RGS7: variants seen among roughly 807,000 people sequenced by gnomAD.
The protein encoded by RGS7 is regulator of G protein signaling 7.
Under a neutral mutation model 81.1 loss-of-function variants are expected in RGS7, and 27 were observed. The ratio of observed to expected loss-of-function variants is 0.33; its 90% CI spans 0.25 to 0.46. The LOEUF is 0.46. Ranked by LOEUF, RGS7 falls within the 20% of genes least tolerant of loss-of-function variation. The pLI is 1.00. For missense variants in RGS7, 396 were observed against 607.4 expected (o/e 0.65, Z 3.66); for synonymous variants, 208 against 207.7 (o/e 1.00, Z -0.01).
chr1:241,196,237 T>C (rs868724396), intron 2 of RGS7, among the ~76,000 whole-genome samples: 1 of 152,136 alleles, frequency 6.6e-6, no homozygotes, highest in South Asian at 2.1e-4. Context: ...GGTCAACCTG[T>C]AATTATGTAT....
chr1:241,138,505 C>A (rs182296510), intron 2 of RGS7, among the ~76,000 whole-genome samples: 6 of 152,266 alleles, frequency 3.9e-5, no homozygotes, highest in Non-Finnish European at 8.8e-5. Flanking sequence ...CAGGGGGAGT[C>A]CACTGCACAC....
intron 9 of RGS7, among the ~76,000 whole-genome samples, chr1:240,853,304 T>A (rs1660441769): frequency 6.6e-6 from 1 of 152,196 alleles, no homozygotes; most frequent in Non-Finnish European, 1.5e-5. Context: ...TTTAGAGGAA[T>A]TGCTTCTTCA....
At chr1:241,249,176 T>G (rs1345826371) in intron 2 of RGS7, among the ~76,000 whole-genome samples, 1 of 152,218 alleles carries the variant, frequency 6.6e-6, no homozygotes, top group African/African-American at 2.4e-5. Context: ...TCATGTTGCA[T>G]GCAGGAAAAC....
At chr1:241,005,288 A>C (rs148738660) in intron 3 of RGS7, among the ~76,000 whole-genome samples, 92 of 152,372 alleles carry the variant, frequency 6.0e-4, no homozygotes, top group African/African-American at 2.1e-3. Context: ...AGTTTTGCAC[A>C]GATTATATGC....
rs546547957 is a variant in RGS7, at chr1:241,052,023, C to T, written c.175+46643G>A. On this transcript the variant is annotated intron_variant, in intron 3 of 18. Transcript: ENST00000440928. ...CCATGACTGTATCTAGGAATCCTTG[C>T]TAAGCTTCCCCAGAGATGTGAACAC... Among the ~76,000 whole-genome samples, 83 of 152,258 alleles carry T rather than the reference C, an allele frequency of 5.5e-4. 1 individual carries two copies. The highest frequency in any genetic ancestry group is 1.6e-3 in the African/African-American group (67 of 41,548).
intron 6 of RGS7, among the ~76,000 whole-genome samples, chr1:240,887,226 G>GTT (rs71297739): frequency 0.03 from 2,262 of 76,222 alleles, 100 homozygotes; most frequent in East Asian, 0.057. Flanking sequence ...GAGTATATAG[G>GTT]TTTTTTTTTT....
chr1:241,020,216 T>C (rs1414423842), intron 3 of RGS7, among the ~76,000 whole-genome samples: 1 of 152,204 alleles, frequency 6.6e-6, no homozygotes, highest in African/African-American at 2.4e-5. Flanking sequence ...TCAGTGCTAT[T>C]TGTCTAATAA....
chr1:241,311,165 T>C (rs2080503939), intron 2 of RGS7, among the ~76,000 whole-genome samples: 1 of 152,256 alleles, frequency 6.6e-6, no homozygotes, highest in Non-Finnish European at 1.5e-5. Context: ...CTGTTAGATA[T>C]TTTGTTAGCA....
intron 2 of RGS7, among the ~76,000 whole-genome samples, chr1:241,253,158 T>C (rs1023860480): frequency 2.6e-5 from 4 of 152,232 alleles, no homozygotes; most frequent in Non-Finnish European, 4.4e-5. Context: ...TGAAGACACA[T>C]AATACTGTTG....
chr1:240,988,161 C>T lies in RGS7; in HGVS notation c.176-5032G>A, dbSNP rs111976064. Among the ~76,000 whole-genome samples the T allele has an allele frequency of 6.5e-3, 991 of 151,316 alleles. 17 individuals carry two copies. Among genetic ancestry groups the T allele is most frequent in the African/African-American group, 0.023 (941 of 41,114 alleles). ...AAATGTTTACTGAAGGCATGAGTCACTATTTATGGACATCTACTCTATACA... is the reference window on the plus strand; with the variant it reads ...AAATGTTTACTGAAGGCATGAGTCATTATTTATGGACATCTACTCTATACA... On this transcript the variant is annotated intron_variant, in intron 3 of 18. Transcript: ENST00000440928.
At chr1:241,070,977 G>T (rs1391709490) in intron 3 of RGS7, among the ~76,000 whole-genome samples, 1 of 152,136 alleles carries the variant, frequency 6.6e-6, no homozygotes, top group African/African-American at 2.4e-5. Context: ...AGAAGAACTA[G>T]ATTGTCCTCC....
chr1:240,909,362 C>T (rs1010247288), intron 6 of RGS7, among the ~76,000 whole-genome samples: 8 of 152,158 alleles, frequency 5.3e-5, no homozygotes, highest in Non-Finnish European at 1.2e-4. Context: ...ATCCATACCC[C>T]ATCTTCTGAA....
At chr1:240,957,055 G>A (rs1017817617) in intron 4 of RGS7, among the ~76,000 whole-genome samples, 3 of 152,166 alleles carry the variant, frequency 2.0e-5, no homozygotes, top group East Asian at 3.9e-4. Flanking sequence ...TCCTGCGTGC[G>A]TCTGTGAGGG....
intron 3 of RGS7, among the ~76,000 whole-genome samples, chr1:241,048,176 T>C (rs1486845442): frequency 6.6e-6 from 1 of 152,118 alleles, no homozygotes; most frequent in Non-Finnish European, 1.5e-5. Flanking sequence ...TGTCCCTGTG[T>C]TGTCACCTTA....
At chr1:240,883,785 T>G (rs1666841044) in intron 6 of RGS7, among the ~76,000 whole-genome samples, 1 of 152,098 alleles carries the variant, frequency 6.6e-6, no homozygotes, top group Non-Finnish European at 1.5e-5. Context: ...TCTTGCTATT[T>G]AAAATGGCCC....
chr1:241,004,270 G>T (rs1286652223), intron 3 of RGS7, among the ~76,000 whole-genome samples: 1 of 152,110 alleles, frequency 6.6e-6, no homozygotes, highest in Non-Finnish European at 1.5e-5. Context: ...TCTTACTGCT[G>T]CTTGGTAATT....
intron 2 of RGS7, among the ~76,000 whole-genome samples, chr1:241,206,918 C>T (rs1056088585): frequency 6.6e-6 from 1 of 151,294 alleles, no homozygotes; most frequent in Non-Finnish European, 1.5e-5. Context: ...CTTTCTCCCT[C>T]CCTCCCTCTC....
chr1:241,008,764 T>C (rs2058805066), intron 3 of RGS7, among the ~76,000 whole-genome samples: 1 of 151,682 alleles, frequency 6.6e-6, no homozygotes, highest in Admixed American at 6.6e-5. Flanking sequence ...ATACAAAAAT[T>C]AGCTGGGCAT....
intron 2 of RGS7, among the ~76,000 whole-genome samples, chr1:241,343,851 T>A (rs1238724493): frequency 1.3e-5 from 2 of 152,154 alleles, no homozygotes; most frequent in Non-Finnish European, 2.9e-5. Context: ...TGGTACATTT[T>A]ATGATATATA....
Sources: gnomAD v4.1 joint callset for allele counts (sites outside exome capture counted in the v4.1 genomes callset) on GRCh38, gnomAD v4.1.1 for gene constraint, MANE v1.5 for transcripts, NCBI Gene and HGNC (gene_info 2026-07-23, HGNC 2026-07-21) for gene names.